The following ZNF667 variants were observed in gnomAD, a reference collection of about 807,000 sequenced individuals.
The protein encoded by ZNF667 is myocardial ischemic preconditioning upregulated 1 ortholog.
A neutral mutation model predicts 31.8 loss-of-function variants in ZNF667; 13 were observed. The observed-to-expected ratio is 0.41, with a 90% CI of 0.27 to 0.65. ZNF667 has a LOEUF of 0.65. Ranked by LOEUF, ZNF667 falls within the 30% of genes least tolerant of loss-of-function variation. The pLI is 0.32. For synonymous variants in ZNF667, 228 were observed against 247.1 expected (o/e 0.92, Z 0.73); for missense variants, 642 against 725.6 (o/e 0.88, Z 1.32).
intron 6 of ZNF667, among the ~76,000 whole-genome samples, chr19:56,456,898 A>G (rs2042942073): frequency 6.6e-6 from 1 of 152,228 alleles, no homozygotes; most frequent in African/African-American, 2.4e-5. Flanking sequence ...ATTTTAATAA[A>G]GGATATTTCT....
intron 6 of ZNF667, among the ~76,000 whole-genome samples, chr19:56,456,786 TAAAC>T (rs1445309027): frequency 6.6e-6 from 1 of 152,186 alleles, no homozygotes; most frequent in Non-Finnish European, 1.5e-5. Flanking sequence ...TTTCATTAAA[TAAAC>T]AAGTAATCAG....
intron 3 of ZNF667, chr19:56,468,686 C>T (rs1448742557): frequency 6.6e-6 from 1 of 152,230 alleles, no homozygotes; most frequent in Non-Finnish European, 1.5e-5. Flanking sequence ...ACAGACATCA[C>T]TTTAGAAATT....
At position 56,442,014 on chromosome 19, in the gene ZNF667, C is replaced by A; in HGVS notation, c.981G>T (p.Glu327Asp). Residue 327 changes from glutamate to aspartate, a missense_variant, in exon 7 of 7, where the codon GAG (glutamate) becomes GAT (aspartate). Glu to Asp is a conservative substitution (Grantham distance 45). Transcript: ENST00000504904. ...QSLQQRSHHL[E>D]NPFKCRKCGK... ...CACATTTTCTGCATTTAAAAGGATT[C>A]TCTAAATGGTGACTTCTTTGCTGTA... 6.2e-7 allele frequency: 1 copy of A among 1,614,052 alleles called. No homozygotes were observed. Among genetic ancestry groups the A allele is most frequent in the Non-Finnish European group, 8.5e-7 (1 of 1,179,986 alleles).
Position 56,451,868 on chromosome 19 carries a change from C to CAAAAAAAAA in ZNF667, c.253+6278_253+6286dup, listed in dbSNP as rs71184363. Among the ~76,000 whole-genome samples, 101 of 80,914 alleles carry CAAAAAAAAA rather than the reference C, an allele frequency of 1.2e-3. 9 individuals are homozygous for CAAAAAAAAA. Among genetic ancestry groups the CAAAAAAAAA allele is most frequent in the African/African-American group, 4.1e-3 (77 of 18,666 alleles). The allele number at this position is 80,914 out of a possible 152,430, so 53.1% of individuals were successfully genotyped here. A position where few individuals can be genotyped will look rare whatever the true frequency, so the allele number is the denominator to read the frequency against. ...TGGGTGACAGAGCAAGACCCTGTCT[C>CAAAAAAAAA]AAAAAAAAAAAAAAAAAAAAAAAAA... On this transcript the variant is annotated intron_variant, in intron 6 of 6. Coordinates refer to ENST00000504904, the MANE Select transcript of ZNF667 (RefSeq NM_001321356.2).
intron 3 of ZNF667, chr19:56,468,569 T>C (rs2043216561): frequency 6.6e-6 from 1 of 152,210 alleles, no homozygotes; most frequent in South Asian, 2.1e-4. Flanking sequence ...CCCGACCACC[T>C]TGGGCACATG....
chr19:56,460,422 G>C (rs1448623799), intron 5 of ZNF667, among the ~76,000 whole-genome samples: 4 of 152,210 alleles, frequency 2.6e-5, no homozygotes, highest in Non-Finnish European at 5.9e-5. Flanking sequence ...GAGACGAAGA[G>C]TGACTGCTTA....
In ZNF667 at chr19:56,471,946, T is replaced by G. The variant is rs1363821495; in HGVS notation, c.-307A>C. 1 of 152,150 alleles carries G rather than the reference T, an allele frequency of 6.6e-6. No homozygotes were observed. The highest frequency in any genetic ancestry group is 1.9e-4 in the East Asian group (1 of 5,192). 9.4% of individuals were successfully genotyped at this position (152,150 alleles called of 1,614,324 possible). On this transcript the variant is annotated 5_prime_UTR_variant, in exon 3 of 7. An upstream start codon of the reference 5' UTR is lost. Coordinates refer to ENST00000504904, the MANE Select transcript of ZNF667 (RefSeq NM_001321356.2). ...GACCCGGTGGGAGATAACTGAATCA[T>G]GGGGGCGGTTTCCCCCATGCTGTTC...
chr19:56,464,627 G>A (rs1294716495), intron 3 of ZNF667, among the ~76,000 whole-genome samples: 1 of 152,186 alleles, frequency 6.6e-6, no homozygotes, highest in Non-Finnish European at 1.5e-5. Flanking sequence ...GCTGCCACAT[G>A]CTCTCTTATT....
chr19:56,462,946 TGA>T (rs2043079074), intron 3 of ZNF667, among the ~76,000 whole-genome samples: 1 of 152,060 alleles, frequency 6.6e-6, no homozygotes, highest in African/African-American at 2.4e-5. Flanking sequence ...GGTCTAAATA[TGA>T]GAGCATGAGC....
upstream of ZNF667, chr19:56,477,883 CG>C (rs2043452643): frequency 6.6e-6 from 1 of 152,440 alleles, no homozygotes; most frequent in African/African-American, 2.4e-5. Flanking sequence ...CAGAATCCAC[CG>C]GGGTGCAGCG....
rs372328038 is a variant in ZNF667, at chr19:56,442,569, T to G, written c.426A>C (p.Lys142Asn). The change falls in exon 7 of 7, where the codon AAA becomes AAC. Residue 142 changes from lysine to asparagine, a missense_variant. Physicochemically the swap from Lys to Asn is moderately conservative, Grantham distance 94. Transcript: ENST00000504904. ...VKPKKGHSGK[K>N]PLKCNDCGKT... ...TACCACAGTCATTACATTTTAAAGG[T>G]TTCTTCCCTGAATGCCCTTTCTTAG... 38 of 1,614,014 alleles carry G rather than the reference T, an allele frequency of 2.4e-5. No individual in the cohort carries two copies. The African/African-American group carries it at 4.9e-4, about 21-fold the overall frequency.
chr19:56,452,137 C>T (rs1397449502), intron 6 of ZNF667, among the ~76,000 whole-genome samples: 2 of 151,578 alleles, frequency 1.3e-5, no homozygotes, highest in Non-Finnish European at 2.9e-5. Flanking sequence ...CAACCTCTGC[C>T]TCCTGGGTTC....
chr19:56,460,393 G>A (rs1353241474), intron 5 of ZNF667, among the ~76,000 whole-genome samples: 1 of 152,160 alleles, frequency 6.6e-6, no homozygotes, highest in Admixed American at 6.5e-5. Flanking sequence ...GCTGAACCTG[G>A]GGGGATGAGT....
At chr19:56,468,225 A>G (rs1043073304) in intron 3 of ZNF667, 24 of 152,334 alleles carry the variant, frequency 1.6e-4, no homozygotes, top group African/African-American at 5.5e-4. Context: ...CTCCCTCACA[A>G]TATGCCCAAA....
In ZNF667 at chr19:56,442,482, A is replaced by C; in HGVS notation, c.513T>G (p.Pro171=). 2 of 1,613,756 alleles carry C rather than the reference A, an allele frequency of 1.2e-6. No individual in the cohort carries two copies. Among genetic ancestry groups the C allele is most frequent in the Non-Finnish European group, 1.7e-6 (2 of 1,179,796 alleles). The part of the protein sequence containing the change: ...LHQNIHTGEK[P]FECSNCRKAF... Reference sequence around the variant, plus strand: ...CTTTTCTACAATTACTGCATTCAAAAGGCTTCTCTCCTGTATGAATGTTCT... The same window carrying C: ...CTTTTCTACAATTACTGCATTCAAACGGCTTCTCTCCTGTATGAATGTTCT... The change falls in exon 7 of 7, where the codon CCT becomes CCG. Residue 171 remains proline (P), a synonymous_variant. Coordinates refer to ENST00000504904, the MANE Select transcript of ZNF667 (RefSeq NM_001321356.2).
intron 2 of ZNF667, among the ~76,000 whole-genome samples, chr19:56,473,422 T>C (rs1443948332): frequency 4.6e-5 from 7 of 152,160 alleles, no homozygotes; most frequent in Non-Finnish European, 1.0e-4. Flanking sequence ...ACTACCACCA[T>C]CAGGAGATTG....
In ZNF667 at chr19:56,442,528, C is replaced by T; in HGVS notation, c.467G>A (p.Ser156Asn). 6.2e-7 allele frequency: 1 copy of T among 1,613,804 alleles called. No individual in the cohort carries two copies. Among genetic ancestry groups the T allele is most frequent in the African/African-American group, 1.3e-5 (1 of 75,004 alleles). ...GTTCTGATGAAGTTTAAGAGAGAAG[C>T]TTCGACTAAAGGTTTTACCACAGTC... ...CNDCGKTFSR[S>N]FSLKLHQNIH... is the part of the protein sequence containing the mutation. Residue 156 changes from serine (S) to asparagine (N), a missense_variant, in exon 7 of 7, where the codon AGC (serine) becomes AAC (asparagine). Coordinates refer to ENST00000504904, the MANE Select transcript of ZNF667 (RefSeq NM_001321356.2).
chr19:56,442,966 T>G (rs2042648437), intron 6 of ZNF667, among the ~76,000 whole-genome samples: 1 of 152,122 alleles, frequency 6.6e-6, no homozygotes, highest in East Asian at 1.9e-4. Flanking sequence ...AATAAGATTT[T>G]ATTTATACGA....
At chr19:56,462,151 G>C (rs1006342680) in intron 4 of ZNF667, among the ~76,000 whole-genome samples, 187 bp downstream of exon 4, 2 of 152,212 alleles carry the variant, frequency 1.3e-5, no homozygotes, top group Non-Finnish European at 2.9e-5. Context: ...AGAGAGGCTC[G>C]CTGAGCAGTT....
Sources: gnomAD v4.1 joint callset for allele counts (sites outside exome capture counted in the v4.1 genomes callset) on GRCh38, gnomAD v4.1.1 for gene constraint, MANE v1.5 for transcripts, NCBI Gene and HGNC (gene_info 2026-07-23, HGNC 2026-07-21) for gene names.